Variants in ITGB8 observed in about 807,000 individuals in gnomAD.
The protein encoded by ITGB8 is integrin beta-8.
Under a neutral mutation model 89.5 loss-of-function variants are expected in ITGB8, and 30 were observed. The observed-to-expected ratio is 0.34, with a 90% CI of 0.25 to 0.45. The LOEUF (loss-of-function observed/expected upper bound fraction) is 0.45. Among genes scored for constraint, ITGB8 ranks in the 20% least tolerant of loss-of-function variants. The pLI, the probability that ITGB8 is intolerant of heterozygous loss-of-function variation, is 1.00. For synonymous variants in ITGB8, 335 were observed against 320.4 expected (o/e 1.05, Z -0.49); for missense variants, 836 against 933.3 (o/e 0.90, Z 1.36).
intron 2 of ITGB8, chr7:20,365,661 T>C (rs1159978768): frequency 1.3e-5 from 2 of 152,244 alleles, no homozygotes; most frequent in Non-Finnish European, 2.9e-5. Flanking sequence ...ACTAGGAGGA[T>C]TGCCTGCATT....
intron 12 of ITGB8, among the ~76,000 whole-genome samples, chr7:20,407,111 T>TC (rs1355906616): frequency 2.0e-5 from 3 of 152,242 alleles, no homozygotes; most frequent in African/African-American, 7.2e-5. Flanking sequence ...CATGGGGAAC[T>TC]CATATTTCTG....
chr7:20,409,495 A>T (rs944571665), intron 12 of ITGB8, 120 bp from the exon 13 acceptor site: 2 of 661,766 alleles, frequency 3.0e-6, no homozygotes, highest in African/African-American at 3.8e-5. Context: ...CCGATTTGAA[A>T]ATGGAGATTT....
At chr7:20,335,513 G>A (rs1784544403) in intron 1 of ITGB8, among the ~76,000 whole-genome samples, 1 of 141,134 alleles carries the variant, frequency 7.1e-6, no homozygotes, top group Admixed American at 6.8e-5. Context: ...TCAGTTTCAA[G>A]GATCTGCCTG....
rs1291693476 is a variant in ITGB8, at chr7:20,331,832, T to A, written c.26T>A (p.Phe9Tyr). The A allele has an allele frequency of 6.2e-7, 1 of 1,613,350 alleles. No homozygotes were observed. Among genetic ancestry groups the A allele is most frequent in the African/African-American group, 1.3e-5 (1 of 74,916 alleles). Residue 9 changes from phenylalanine to tyrosine, a missense_variant, in exon 1 of 14, where the codon TTT becomes TAT. Phe to Tyr is a conservative substitution (Grantham distance 22). Transcript: ENST00000222573. Reference protein sequence around the residue: MCGSALAFFTAAFVCLQND... With the variant: MCGSALAFYTAAFVCLQND... ...ATGTGCGGCTCGGCCCTGGCTTTTTTTACCGCTGCATTTGTCTGCCTGCAA... is the reference window on the plus strand; with the variant it reads ...ATGTGCGGCTCGGCCCTGGCTTTTTATACCGCTGCATTTGTCTGCCTGCAA...
At chr7:20,381,994 T>A in intron 6 of ITGB8, 109 bp downstream of exon 6, 1 of 898,152 alleles carries the variant, frequency 1.1e-6, no homozygotes, top group Non-Finnish European at 1.7e-6. Flanking sequence ...AAAAGAAAGA[T>A]ACAGAACAAG....
chr7:20,384,353 T>A (rs1189333489), intron 6 of ITGB8, among the ~76,000 whole-genome samples: 1 of 152,180 alleles, frequency 6.6e-6, no homozygotes, highest in South Asian at 2.1e-4. Context: ...ACCCTTTATA[T>A]GTCTAAATTA....
At chr7:20,397,224 CTTTCTT>C (rs1176201215) in intron 8 of ITGB8, among the ~76,000 whole-genome samples, 48 of 100,470 alleles carry the variant, frequency 4.8e-4, no homozygotes, top group African/African-American at 2.1e-3. Context: ...TTTTCCTTTT[CTTTCTT>C]TTTTTTTTTT....
At chr7:20,376,178 A>G (rs1189438285) in intron 3 of ITGB8, among the ~76,000 whole-genome samples, 1 of 152,178 alleles carries the variant, frequency 6.6e-6, no homozygotes. Flanking sequence ...ATGGTCTATC[A>G]GGACATTTCT....
At chr7:20,408,084 C>T (rs1434725721) in intron 12 of ITGB8, among the ~76,000 whole-genome samples, 1 of 152,130 alleles carries the variant, frequency 6.6e-6, no homozygotes, top group Non-Finnish European at 1.5e-5. Context: ...TCCCACCAGG[C>T]GAGAAGCCAG....
chr7:20,389,531 T>C (rs1013172149), intron 6 of ITGB8, among the ~76,000 whole-genome samples: 6 of 152,228 alleles, frequency 3.9e-5, no homozygotes, highest in African/African-American at 9.6e-5. Context: ...ACTTAAATAT[T>C]GATTTTATGT....
At position 20,414,708 on chromosome 7, in the gene ITGB8, C is replaced by A. The variant is rs528675035; in HGVS notation, c.*4711C>A. 1 of 152,626 alleles carries A rather than the reference C, an allele frequency of 6.6e-6. No homozygotes were observed. The highest frequency in any genetic ancestry group is 2.1e-4 in the South Asian group (1 of 4,822). 9.5% of individuals were successfully genotyped at this position (152,626 alleles called of 1,614,324 possible). On this transcript the variant is annotated 3_prime_UTR_variant, in exon 14 of 14. Transcript: ENST00000222573. ...CTTTAACTTCAAGCTTATGTAACGACTGTTATAAAACTGCATATTTAAATT... is the reference window on the plus strand; with the variant it reads ...CTTTAACTTCAAGCTTATGTAACGAATGTTATAAAACTGCATATTTAAATT...
At chr7:20,353,931 C>CAAAAAAAAAAAA (rs1158594685) in intron 1 of ITGB8, among the ~76,000 whole-genome samples, 7 of 55,708 alleles carry the variant, frequency 1.3e-4, no homozygotes, top group East Asian at 6.7e-4. Flanking sequence ...GACTCCGTCT[C>CAAAAAAAAAAAA]AAAAAAAAAA....
intron 1 of ITGB8, among the ~76,000 whole-genome samples, chr7:20,360,632 T>C (rs1785463356): frequency 6.6e-6 from 1 of 151,316 alleles, no homozygotes; most frequent in Non-Finnish European, 1.5e-5. Context: ...TTGCCTAGGA[T>C]AATGGCCTCC....
chr7:20,399,869 T>C (rs1787238874), intron 9 of ITGB8, among the ~76,000 whole-genome samples: 1 of 152,174 alleles, frequency 6.6e-6, no homozygotes. Context: ...AAAAAGTTAT[T>C]GAAAGTGATA....
At chr7:20,387,978 C>A (rs550739595) in intron 6 of ITGB8, among the ~76,000 whole-genome samples, 1 of 152,080 alleles carries the variant, frequency 6.6e-6, no homozygotes, top group African/African-American at 2.4e-5. Context: ...TTACAATATT[C>A]CATACTATAA....
At chr7:20,351,897 T>G (rs554335091) in intron 1 of ITGB8, among the ~76,000 whole-genome samples, 11 of 152,194 alleles carry the variant, frequency 7.2e-5, no homozygotes, top group African/African-American at 2.4e-4. Flanking sequence ...TTTTTTTAAG[T>G]TGGAGAAAGG....
chr7:20,334,502 C>T (rs1428129487), intron 1 of ITGB8, among the ~76,000 whole-genome samples: 1 of 152,040 alleles, frequency 6.6e-6, no homozygotes, highest in South Asian at 2.1e-4. Context: ...AATGAAATTT[C>T]ACCTTCTGTT....
intron 1 of ITGB8, among the ~76,000 whole-genome samples, chr7:20,340,275 G>A (rs960806245): frequency 6.6e-6 from 1 of 152,178 alleles, no homozygotes; most frequent in Admixed American, 6.5e-5. Flanking sequence ...TATTCTAGAG[G>A]ATTGCCAAAA....
intron 3 of ITGB8, among the ~76,000 whole-genome samples, chr7:20,378,486 G>C (rs1318007881): frequency 6.6e-6 from 1 of 152,168 alleles, no homozygotes. Context: ...CTAGTGATGA[G>C]GTACTAATTA....
Sources: gnomAD v4.1 joint callset for allele counts (sites outside exome capture counted in the v4.1 genomes callset) on GRCh38, gnomAD v4.1.1 for gene constraint, MANE v1.5 for transcripts, NCBI Gene and HGNC (gene_info 2026-07-23, HGNC 2026-07-21) for gene names.